Variants in MINPP1 observed in about 807,000 individuals in gnomAD.
The protein encoded by MINPP1 is multiple inositol polyphosphate phosphatase 1.
A neutral mutation model predicts 46.1 loss-of-function variants in MINPP1; 28 were observed. That is an observed-to-expected ratio of 0.61 (90% CI 0.45 to 0.83). The LOEUF (loss-of-function observed/expected upper bound fraction) is 0.83, where lower values mean the gene tolerates loss of function less well. MINPP1 is among the 40% of genes least tolerant of loss of function. The pLI is 0.00. For synonymous variants in MINPP1, 268 were observed against 249.1 expected, an observed-to-expected ratio of 1.08 and a Z score of -0.72; for missense variants, 603 against 610.0, an observed-to-expected ratio of 0.99 and a Z score of 0.12.
chr10:87,551,962 TA>T lies in MINPP1; in HGVS notation c.1068-113del, dbSNP rs917137785. On this transcript the variant is annotated intron_variant, in intron 4 of 4. Coordinates refer to ENST00000371996, the MANE Select transcript of MINPP1 (RefSeq NM_004897.5). ...TGCTTGTGTAATGTATATAAAGATT[TA>T]AAAAAATAGATGGGATTATTTAAAC... 11 of 823,718 alleles carry T rather than the reference TA, an allele frequency of 1.3e-5. No individual in the cohort carries two copies. The African/African-American group carries it at 1.6e-4, about 12-fold the overall frequency. 51.0% of individuals were successfully genotyped at this position (823,718 alleles called of 1,614,324 possible).
chr10:87,549,960 A>G (rs559081570), intron 4 of MINPP1, among the ~76,000 whole-genome samples: 2 of 152,292 alleles, frequency 1.3e-5, no homozygotes, highest in South Asian at 4.1e-4. Context: ...ACTTGAATAT[A>G]CTCAGATGTA....
Position 87,506,403 on chromosome 10 carries a change from A to G in MINPP1, c.637+851A>G, listed in dbSNP as rs556111709. On this transcript the variant is annotated intron_variant, in intron 1 of 4. Coordinates refer to ENST00000371996, the MANE Select transcript of MINPP1 (RefSeq NM_004897.5). ...AATAGTTACAAATAATAATGATAGC[A>G]TACACCTCATGCCTATTGTATGCCA... 1.3e-4 allele frequency among the ~76,000 whole-genome samples: 20 copies of G among 152,266 alleles called. No homozygotes were observed. The East Asian group carries it at 3.7e-3, about 28-fold the overall frequency.
At chr10:87,544,781 A>C (rs1219263909) in intron 4 of MINPP1, among the ~76,000 whole-genome samples, 1 of 152,230 alleles carries the variant, frequency 6.6e-6, no homozygotes, top group Non-Finnish European at 1.5e-5. Flanking sequence ...TTTACAAAGT[A>C]ATCTTTATTA....
Position 87,521,093 on chromosome 10 carries a change from A to G in MINPP1, c.991A>G (p.Ile331Val), listed in dbSNP as rs778148630. The G allele has an allele frequency of 8.5e-5, 130 of 1,534,562 alleles. No homozygotes were observed. Among genetic ancestry groups the G allele is most frequent in the Non-Finnish European group, 2.9e-5 (32 of 1,108,388 alleles). ...TTGGAAAAGAGGATATGGGTATACT[A>G]TTAACAGTCGATCCAGCTGCACCTT... ...QYWKRGYGYT[I>V]NSRSSCTLFQ... Residue 331 changes from isoleucine (I) to valine (V), a missense_variant, in exon 4 of 5, where the codon ATT (isoleucine) becomes GTT (valine). Coordinates refer to ENST00000371996, the MANE Select transcript of MINPP1 (RefSeq NM_004897.5).
At chr10:87,546,571 A>T (rs1851889723) in intron 4 of MINPP1, 1 of 152,226 alleles carries the variant, frequency 6.6e-6, no homozygotes, top group African/African-American at 2.4e-5. Flanking sequence ...CGTTCATTTC[A>T]GATGAAAAAC....
intron 3 of MINPP1, among the ~76,000 whole-genome samples, chr10:87,513,679 C>T (rs1427302202): frequency 6.6e-6 from 1 of 152,174 alleles, no homozygotes; most frequent in Admixed American, 6.5e-5. Context: ...GTATGTCCTT[C>T]ACCTATATTT....
intron 2 of MINPP1, chr10:87,509,622 C>T: frequency 4.6e-6 from 1 of 215,792 alleles, no homozygotes. Flanking sequence ...TCCCATTCTT[C>T]TTCCTTTCTC....
At chr10:87,518,847 G>T (rs964364607) in intron 3 of MINPP1, among the ~76,000 whole-genome samples, 2 of 152,192 alleles carry the variant, frequency 1.3e-5, no homozygotes, top group Non-Finnish European at 2.9e-5. Context: ...GGGGGAAGGG[G>T]CGTGGAGCTT....
At chr10:87,538,482 G>A (rs1225015896) in intron 4 of MINPP1, among the ~76,000 whole-genome samples, 1 of 152,182 alleles carries the variant, frequency 6.6e-6, no homozygotes, top group East Asian at 1.9e-4. Flanking sequence ...CTTTAAGGTA[G>A]GACAGTAAAT....
chr10:87,521,630 ATAT>A (rs1851503012), intron 4 of MINPP1, among the ~76,000 whole-genome samples: 1 of 152,328 alleles, frequency 6.6e-6, no homozygotes, highest in African/African-American at 2.4e-5. Flanking sequence ...AATATTCAAC[ATAT>A]TATTGCATAT....
At chr10:87,517,127 C>T (rs1851422589) in intron 3 of MINPP1, among the ~76,000 whole-genome samples, 3 of 151,914 alleles carry the variant, frequency 2.0e-5, no homozygotes, top group South Asian at 2.1e-4. Flanking sequence ...GGATTAATAA[C>T]TGGGTAATGA....
At chr10:87,534,042 ATTTTTTTTTTTTTT>A (rs58579107) in intron 4 of MINPP1, among the ~76,000 whole-genome samples, 3 of 55,412 alleles carry the variant, frequency 5.4e-5, no homozygotes, top group Admixed American at 2.8e-4. Flanking sequence ...CTGGCTAAAT[ATTTTTTTTTTTTTT>A]TTTTTTTTTT....
In MINPP1 at chr10:87,552,092, A is replaced by G. The variant is rs776702297; in HGVS notation, c.1078A>G (p.Ile360Val). The part of the protein sequence containing the change: ...AVEQKQRSQP[I>V]SSPVILQFGH... ...AATTTCTATTTGAAGGTCTCAGCCA[A>G]TTTCTTCTCCAGTCATCCTCCAGTT... The change falls in exon 5 of 5, where the codon ATT (isoleucine) becomes GTT (valine). Residue 360 changes from isoleucine (I) to valine (V), a missense_variant. By Grantham distance (29) the Ile-to-Val change is conservative. Around this residue, in one of 3 missense-constraint regions of MINPP1, gnomAD observed 344 missense variants for 381.1 expected, o/e 0.90. Transcript: ENST00000371996. 1 of 1,612,010 alleles carries G rather than the reference A, an allele frequency of 6.2e-7. No homozygotes were observed.
intron 4 of MINPP1, among the ~76,000 whole-genome samples, chr10:87,536,132 A>G (rs375322330): frequency 1.1e-4 from 17 of 152,338 alleles, no homozygotes; most frequent in South Asian, 4.1e-4. Context: ...TTTCCAGGTT[A>G]TCTTTGATAA....
At position 87,504,980 on chromosome 10, in the gene MINPP1, C is replaced by T. The variant is rs760388017; in HGVS notation, c.65C>T (p.Ala22Val). ...GCGCCTGCCGCGGCCCTGGCTGCGGCGCTGCTCTCGTCGCTTGCGCGCTGC... is the reference window on the plus strand; with the variant it reads ...GCGCCTGCCGCGGCCCTGGCTGCGGTGCTGCTCTCGTCGCTTGCGCGCTGC... ...SVAPAAALAA[A>V]LLSSLARCSL... The change falls in exon 1 of 5, where the codon GCG (alanine) becomes GTG (valine). Residue 22 changes from alanine (A) to valine (V), a missense_variant. Physicochemically the swap from Ala to Val is moderately conservative, Grantham distance 64. Coordinates refer to ENST00000371996, the MANE Select transcript of MINPP1 (RefSeq NM_004897.5). 3.7e-6 allele frequency: 6 copies of T among 1,611,722 alleles called. No homozygotes were observed. The highest frequency in any genetic ancestry group is 1.7e-5 in the Admixed American group (1 of 59,900).
At chr10:87,532,421 T>C (rs1239084498) in intron 4 of MINPP1, among the ~76,000 whole-genome samples, 1 of 152,226 alleles carries the variant, frequency 6.6e-6, no homozygotes, top group Non-Finnish European at 1.5e-5. Context: ...TGTAAGATTG[T>C]GAAACAATGT....
intron 2 of MINPP1, among the ~76,000 whole-genome samples, chr10:87,509,991 G>A (rs1851312164): frequency 6.6e-6 from 1 of 152,202 alleles, no homozygotes; most frequent in African/African-American, 2.4e-5. Context: ...TTTGGAAGCA[G>A]TATTAAGTAT....
At chr10:87,535,790 G>A (rs939263833) in intron 4 of MINPP1, among the ~76,000 whole-genome samples, 1 of 152,068 alleles carries the variant, frequency 6.6e-6, no homozygotes, top group Admixed American at 6.5e-5. Context: ...TTAGCCAGGC[G>A]TGGTGGCATG....
chr10:87,550,058 C>T (rs2131846008), intron 4 of MINPP1, among the ~76,000 whole-genome samples: 1 of 152,180 alleles, frequency 6.6e-6, no homozygotes, highest in South Asian at 2.1e-4. Context: ...CAAGTATATG[C>T]CCTCTCTACA....
Sources: gnomAD v4.1 joint callset for allele counts (sites outside exome capture counted in the v4.1 genomes callset) on GRCh38, gnomAD v4.1.1 for gene constraint, gnomAD v4.1.1 regional missense constraint, MANE v1.5 for transcripts, NCBI Gene and HGNC (gene_info 2026-07-23, HGNC 2026-07-21) for gene names.